The following RANBP2 variants were observed in gnomAD, a reference collection of about 807,000 sequenced individuals.
RANBP2 encodes E3 SUMO-protein ligase RanBP2.
RANBP2 carries 57 observed loss-of-function variants against 303.6 expected under a neutral mutation model. The ratio of observed to expected loss-of-function variants is 0.19; its 90% CI spans 0.15 to 0.23. The LOEUF (loss-of-function observed/expected upper bound fraction) is 0.23. RANBP2 is among the 10% of genes least tolerant of loss of function. The pLI, the probability that RANBP2 is intolerant of heterozygous loss-of-function variation, is 1.00. For missense variants in RANBP2, 3,138 were observed against 3,780.8 expected, an observed-to-expected ratio of 0.83 and a Z score of 4.46; for synonymous variants, 1,167 against 1,301.5, an observed-to-expected ratio of 0.90 and a Z score of 2.23.
the RANBP2 span, among the ~76,000 whole-genome samples, chr2:109,302,729 C>T: frequency 5.5e-5 from 8 of 146,672 alleles, no homozygotes; most frequent in East Asian, 1.5e-3. Context: ...CATGGTGCTC[C>T]TATGTTCTTC....
chr2:108,969,121 T>C, the RANBP2 span, among the ~76,000 whole-genome samples: 6 of 152,160 alleles, frequency 3.9e-5, no homozygotes, highest in South Asian at 4.1e-4. Context: ...TCCTTGAGAA[T>C]TGGATTCAAC....
intron 18 of RANBP2, among the ~76,000 whole-genome samples, chr2:108,761,750 T>G (rs1197490460): frequency 6.6e-6 from 1 of 152,138 alleles, no homozygotes; most frequent in Non-Finnish European, 1.5e-5. Context: ...CTTGGTTCCT[T>G]ACGTCCTTTC....
At chr2:108,987,179 G>A in the RANBP2 span, among the ~76,000 whole-genome samples, 1 of 152,188 alleles carries the variant, frequency 6.6e-6, no homozygotes, top group Non-Finnish European at 1.5e-5. Context: ...TTTGAAGCTG[G>A]GTTCCTGGGC....
At chr2:109,036,299 C>G in the RANBP2 span, among the ~76,000 whole-genome samples, 1 of 152,156 alleles carries the variant, frequency 6.6e-6, no homozygotes, top group Non-Finnish European at 1.5e-5. Flanking sequence ...CACACTCTAT[C>G]TCAGAAAGTA....
chr2:108,913,246 G>A, the RANBP2 span, among the ~76,000 whole-genome samples: 8 of 152,116 alleles, frequency 5.3e-5, no homozygotes, highest in Non-Finnish European at 7.4e-5. Context: ...ACCGCGCCCG[G>A]CTGGTTATTG....
chr2:109,714,853 A>G, the RANBP2 span, among the ~76,000 whole-genome samples: 4 of 149,124 alleles, frequency 2.7e-5, no homozygotes, highest in Non-Finnish European at 5.9e-5. Context: ...CAGGTGATCC[A>G]CCTGCCTTGG....
the RANBP2 span, among the ~76,000 whole-genome samples, chr2:109,377,704 G>A: frequency 6.6e-6 from 1 of 152,044 alleles, no homozygotes. Context: ...GTTTGAGAGT[G>A]CTTATCTTCA....
chr2:109,229,059 T>C, the RANBP2 span, among the ~76,000 whole-genome samples: 1 of 152,066 alleles, frequency 6.6e-6, no homozygotes, highest in Non-Finnish European at 1.5e-5. Flanking sequence ...TACCAAGGGA[T>C]TAGGAGCTCT....
chr2:109,528,654 G>A, the RANBP2 span, among the ~76,000 whole-genome samples: 1 of 152,210 alleles, frequency 6.6e-6, no homozygotes, highest in Non-Finnish European at 1.5e-5. Flanking sequence ...AGGAGGAAAA[G>A]CAGCAGGGCC....
chr2:109,353,540 C>T, the RANBP2 span, among the ~76,000 whole-genome samples: 9 of 152,180 alleles, frequency 5.9e-5, no homozygotes, highest in Non-Finnish European at 8.8e-5. Flanking sequence ...CCTGGAGGGA[C>T]GTGGAGGGAA....
the RANBP2 span, among the ~76,000 whole-genome samples, chr2:109,156,555 T>C: frequency 2.6e-5 from 4 of 152,166 alleles, no homozygotes; most frequent in South Asian, 6.2e-4. Flanking sequence ...AAGCGATTCT[T>C]CTGCCTCAGC....
the RANBP2 span, among the ~76,000 whole-genome samples, chr2:109,627,947 T>C: frequency 6.6e-6 from 1 of 152,204 alleles, no homozygotes; most frequent in Non-Finnish European, 1.5e-5. Flanking sequence ...AACATTCCAA[T>C]GAAAGATTTG....
the RANBP2 span, among the ~76,000 whole-genome samples, chr2:109,425,679 T>C: frequency 6.8e-6 from 1 of 146,682 alleles, no homozygotes; most frequent in Admixed American, 6.9e-5. Context: ...GTAAGTCCAT[T>C]GTCAAGACCT....
At chr2:108,734,636 T>C (rs1695425800) in intron 4 of RANBP2, among the ~76,000 whole-genome samples, 1 of 152,090 alleles carries the variant, frequency 6.6e-6, no homozygotes, top group Admixed American at 6.5e-5. Context: ...GATGATGTTA[T>C]TGTCTTGAAG....
At chr2:108,821,176 G>A in the RANBP2 span, among the ~76,000 whole-genome samples, 85 of 152,116 alleles carry the variant, frequency 5.6e-4, no homozygotes, top group Non-Finnish European at 9.7e-4. Context: ...TGGCCAACAT[G>A]GTGAAACCCC....
chr2:109,400,425 T>C, the RANBP2 span, among the ~76,000 whole-genome samples: 82,548 of 151,956 alleles, frequency 0.54, 23,161 homozygotes, highest in African/African-American at 0.67. Context: ...CCTGTGCACA[T>C]ATGTGCACTT....
chr2:109,413,258 G>A, the RANBP2 span, among the ~76,000 whole-genome samples: 1 of 152,172 alleles, frequency 6.6e-6, no homozygotes, highest in Non-Finnish European at 1.5e-5. Flanking sequence ...GGGATTACAG[G>A]TGCTTGCCAC....
the RANBP2 span, among the ~76,000 whole-genome samples, chr2:109,433,815 C>G: frequency 2.0e-5 from 3 of 152,152 alleles, no homozygotes; most frequent in African/African-American, 7.2e-5. Context: ...AGTTAGAGAT[C>G]CTTCGCTCAG....
chr2:109,013,351 T>C, the RANBP2 span, among the ~76,000 whole-genome samples: 2 of 152,200 alleles, frequency 1.3e-5, no homozygotes, highest in Admixed American at 6.5e-5. Flanking sequence ...TACGTTTTTA[T>C]TGTCAGCATA....
Sources: allele counts gnomAD v4.1 joint callset (sites outside exome capture counted in the v4.1 genomes callset), GRCh38; gene constraint gnomAD v4.1.1; transcripts MANE v1.5; gene names NCBI Gene and HGNC (gene_info 2026-07-23, HGNC 2026-07-21).